The following ABCB4 variants were observed in gnomAD, a reference collection of about 807,000 sequenced individuals.
The protein encoded by ABCB4 is phosphatidylcholine translocator ABCB4.
In ABCB4, 76 loss-of-function variants were observed where a neutral mutation model predicts 145.7. The observed-to-expected ratio is 0.52, with a 90% CI of 0.43 to 0.63. The LOEUF (loss-of-function observed/expected upper bound fraction) is 0.63. ABCB4 is among the 30% of genes least tolerant of loss of function. ABCB4 has a pLI of 0.00. For missense variants in ABCB4, 1,234 were observed against 1,553.1 expected (o/e 0.79, Z 3.45); for synonymous variants, 517 against 566.8 (o/e 0.91, Z 1.25).
the ABCB4 span, chr7:87,382,584 C>G: frequency 6.4e-7 from 1 of 1,570,450 alleles, no homozygotes; most frequent in Non-Finnish European, 8.6e-7. Flanking sequence ...TCTTGAAGTC[C>G]AAGGGTATAT....
chr7:87,411,615 T>G (rs1808630831), intron 23 of ABCB4, among the ~76,000 whole-genome samples: 1 of 152,206 alleles, frequency 6.6e-6, no homozygotes, highest in African/African-American at 2.4e-5. Context: ...TATTCTATAA[T>G]GAGAAAATTT....
intron 7 of ABCB4, 82 bp from the exon 8 acceptor site, chr7:87,450,174 T>C: frequency 6.4e-7 from 1 of 1,571,556 alleles, no homozygotes; most frequent in Admixed American, 1.7e-5. Context: ...AACCTACTTT[T>C]TCTTCCCAAA....
At position 87,454,546 on chromosome 7, in the gene ABCB4, T is replaced by C. The variant is rs1811987197; in HGVS notation, c.333A>G (p.Glu111=). The C allele has an allele frequency of 6.2e-7, 1 of 1,610,692 alleles. No individual in the cohort carries two copies. Among genetic ancestry groups the C allele is most frequent in the Non-Finnish European group, 8.5e-7 (1 of 1,177,808 alleles). The stretch of plus-strand genomic sequence containing the variant: ...TATATATGAGTTACCTAGTCATTTC[T>C]TCTTCCAGAATTTTGCCTGGATTTA... ...SLLNPGKILE[E]EMTRYAYYYS... is the part of the protein sequence containing the mutation. The change falls in exon 5 of 28, where the codon GAA becomes GAG. Residue 111 remains glutamate, a synonymous_variant. Transcript: ENST00000649586.
chr7:87,451,953 C>A lies in ABCB4; in HGVS notation c.537-159G>T. On this transcript the variant is annotated intron_variant, in intron 6 of 27. Coordinates refer to ENST00000649586, the MANE Select transcript of ABCB4 (RefSeq NM_000443.4). ...GAATAACATCTTCCCCACCTAAACACCGCACAAAGGAAGAAATTCAGGATT... is the reference window on the plus strand; with the variant it reads ...GAATAACATCTTCCCCACCTAAACAACGCACAAAGGAAGAAATTCAGGATT... 2.8e-6 allele frequency: 2 copies of A among 704,994 alleles called. No individual in the cohort carries two copies. Among genetic ancestry groups the A allele is most frequent in the South Asian group, 3.2e-5 (2 of 63,308 alleles). 43.7% of individuals were successfully genotyped at this position (704,994 alleles called of 1,614,324 possible).
chr7:87,391,157 G>A, the ABCB4 span, among the ~76,000 whole-genome samples: 4 of 152,338 alleles, frequency 2.6e-5, no homozygotes, highest in East Asian at 3.9e-4. Context: ...CCCTCAGCAT[G>A]GCAGCTGGCT....
intron 16 of ABCB4, 109 bp downstream of exon 16, chr7:87,426,641 T>C: frequency 1.8e-6 from 2 of 1,102,700 alleles, no homozygotes; most frequent in Non-Finnish European, 2.7e-6. Flanking sequence ...AGAGTATGGC[T>C]CATAGTAGCA....
chr7:87,370,393 A>G, the ABCB4 span, among the ~76,000 whole-genome samples: 3 of 152,088 alleles, frequency 2.0e-5, no homozygotes, highest in Non-Finnish European at 4.4e-5. Context: ...GTGTTGGCCA[A>G]GCTGGTCTTG....
chr7:87,405,427 C>T (rs1258281528), intron 26 of ABCB4, among the ~76,000 whole-genome samples: 5 of 133,896 alleles, frequency 3.7e-5, no homozygotes, highest in Non-Finnish European at 7.8e-5. Flanking sequence ...TGTTCTGTAT[C>T]TTTTTTTTTT....
At chr7:87,411,811 AT>A in intron 23 of ABCB4, 81 bp downstream of exon 23, 21 of 1,390,356 alleles carry the variant, frequency 1.5e-5, no homozygotes, top group Admixed American at 3.6e-5. Context: ...CACAGGAGTC[AT>A]TTTTTTCCTA....
intron 15 of ABCB4, among the ~76,000 whole-genome samples, chr7:87,428,068 T>G (rs1335948968): frequency 6.6e-6 from 1 of 152,086 alleles, no homozygotes; most frequent in Non-Finnish European, 1.5e-5. Context: ...TCATGGCAAG[T>G]CAAACCAGAC....
At chr7:87,387,110 C>T in the ABCB4 span, among the ~76,000 whole-genome samples, 3 of 151,672 alleles carry the variant, frequency 2.0e-5, no homozygotes, top group African/African-American at 7.3e-5. Context: ...TTCTCTCTGG[C>T]CCCTGGGATC....
chr7:87,437,445 A>G (rs955132515), intron 14 of ABCB4, among the ~76,000 whole-genome samples: 1 of 152,170 alleles, frequency 6.6e-6, no homozygotes, highest in Non-Finnish European at 1.5e-5. Flanking sequence ...CTCAGCCAAT[A>G]CACTGAATTG....
intron 19 of ABCB4, 108 bp from the exon 20 acceptor site, chr7:87,418,728 A>C: frequency 2.0e-6 from 2 of 998,174 alleles, no homozygotes; most frequent in Non-Finnish European, 3.1e-6. Context: ...GGGAGACCTC[A>C]TATGCAGTGT....
chr7:87,459,312 C>T (rs1320988719), intron 4 of ABCB4, among the ~76,000 whole-genome samples: 2 of 152,116 alleles, frequency 1.3e-5, no homozygotes, highest in African/African-American at 4.8e-5. Context: ...CTGCTCCTCC[C>T]CACAACCCCT....
At chr7:87,468,941 T>TAAATAAAATAAGATAAAATAAAATA (rs1554416071) in intron 3 of ABCB4, among the ~76,000 whole-genome samples, 4 of 138,878 alleles carry the variant, frequency 2.9e-5, no homozygotes, top group Non-Finnish European at 6.1e-5. Flanking sequence ...AAAAAATAAA[T>TAAATAAAATAAGATAAAATAAAATA]AAATAAAATA....
chr7:87,366,358 G>GA, the ABCB4 span, among the ~76,000 whole-genome samples: 506 of 149,008 alleles, frequency 3.4e-3, 1 homozygote, highest in African/African-American at 0.012. Flanking sequence ...CCTTTTTGGG[G>GA]AAAAAAAAAT....
At chr7:87,430,627 C>T (rs978039161) in intron 15 of ABCB4, among the ~76,000 whole-genome samples, 8 of 152,012 alleles carry the variant, frequency 5.3e-5, no homozygotes, top group African/African-American at 1.7e-4. Context: ...CGGATTCAAG[C>T]GATTCTCCTG....
Position 87,408,056 on chromosome 7 carries a change from T to C in ABCB4, c.3260A>G (p.Asp1087Gly). The change falls in exon 25 of 28, where the codon GAC (aspartate) becomes GGC (glycine). Residue 1087 changes from aspartate to glycine, a missense_variant. By Grantham distance (94) the Asp-to-Gly change is moderately conservative. Coordinates refer to ENST00000649586, the MANE Select transcript of ABCB4 (RefSeq NM_000443.4). ...GCTCACCACTGTCCCCGCCAAGGGG[T>C]CGTAGAACCGCTCCAGGAGCTGGAC... is the stretch of plus-strand genomic sequence containing the variant. ...TVVQLLERFY[D>G]PLAGTVLLDG... The C allele has an allele frequency of 6.2e-7, 1 of 1,613,922 alleles. No homozygotes were observed. Among genetic ancestry groups the C allele is most frequent in the Non-Finnish European group, 8.5e-7 (1 of 1,180,002 alleles).
At chr7:87,452,753 C>T in intron 6 of ABCB4, 191 bp downstream of exon 6, 1 of 663,614 alleles carries the variant, frequency 1.5e-6, no homozygotes, top group Non-Finnish European at 2.6e-6. Context: ...ACCTACTATG[C>T]ACCTTGGGGG....
Sources: gnomAD v4.1 joint callset for allele counts (sites outside exome capture counted in the v4.1 genomes callset) on GRCh38, gnomAD v4.1.1 for gene constraint, MANE v1.5 for transcripts, NCBI Gene and HGNC (gene_info 2026-07-23, HGNC 2026-07-21) for gene names.